PCNX2: variants seen among roughly 807,000 people sequenced by gnomAD.
PCNX2 encodes pecanex 2, also known as pecanex-like protein 2.
Under a neutral mutation model 223.8 loss-of-function variants are expected in PCNX2, and 168 were observed. That is an observed-to-expected ratio of 0.75 (90% confidence interval 0.66 to 0.85). The LOEUF (loss-of-function observed/expected upper bound fraction) is 0.85. Among genes scored for constraint, PCNX2 ranks in the 40% least tolerant of loss-of-function variants. The probability of loss-of-function intolerance (pLI) is 0.00; values close to 1 mark genes in which losing one functional copy is unlikely to be tolerated. For missense variants in PCNX2, 2,507 were observed against 2,675.5 expected, an observed-to-expected ratio of 0.94 and a Z score of 1.39; for synonymous variants, 1,006 against 1,052.6, an observed-to-expected ratio of 0.96 and a Z score of 0.86.
rs796993174 is a variant in PCNX2 at position 232,991,398 on chromosome 1, G to A, written c.5792-4858C>T. 6.6e-5 allele frequency among the ~76,000 whole-genome samples: 10 copies of A among 152,180 alleles called. No homozygotes were observed. Among genetic ancestry groups the A allele is most frequent in the African/African-American group, 1.7e-4 (7 of 41,506 alleles). On this transcript the variant is annotated intron_variant, in intron 32 of 33. Coordinates refer to ENST00000258229, the MANE Select transcript of PCNX2 (RefSeq NM_014801.4). The surrounding 1 kb of genome is among the most constrained non-coding windows in gnomAD (Gnocchi z 4.3). ...AGGGCTGAGAGAAGGGAGAGAAGGC[G>A]TGAGAGAGAGAGCAGACCAGATGGG...
In PCNX2 at chr1:233,014,656, C is replaced by G. The variant is rs571113775; in HGVS notation, c.4952+9G>C. ...TACCTAAGAGATTCTAACTTCTCCC[C>G]CCAGGTACCTGATGGCCATATTGTG... On this transcript the variant is annotated intron_variant, in intron 28 of 33. Coordinates refer to ENST00000258229, the MANE Select transcript of PCNX2 (RefSeq NM_014801.4). 6.2e-7 allele frequency: 1 copy of G among 1,611,430 alleles called. No individual in the cohort carries two copies. Among genetic ancestry groups the G allele is most frequent in the African/African-American group, 1.3e-5 (1 of 74,862 alleles).
At chr1:233,100,417 CAAAAAAAAAAAAAA>C (rs5781726) in intron 21 of PCNX2, among the ~76,000 whole-genome samples, 7 of 81,074 alleles carry the variant, frequency 8.6e-5, no homozygotes, top group Non-Finnish European at 1.4e-4. Flanking sequence ...GATTCTGTCT[CAAAAAAAAAAAAAA>C]AAAAAAAAGA....
At chr1:233,306,322 TA>T in the PCNX2 span, among the ~76,000 whole-genome samples, 2 of 152,220 alleles carry the variant, frequency 1.3e-5, no homozygotes, top group African/African-American at 4.8e-5. Context: ...TTAGAGACTT[TA>T]ATATCCTGAC....
intron 1 of PCNX2, among the ~76,000 whole-genome samples, chr1:233,288,253 A>G (rs1193115014): frequency 6.6e-6 from 1 of 152,228 alleles, no homozygotes; most frequent in Non-Finnish European, 1.5e-5. Flanking sequence ...AGATTGTTCA[A>G]TTAAAACAAA....
chr1:233,011,194 T>C (rs1298045584), intron 28 of PCNX2, among the ~76,000 whole-genome samples: 2 of 152,144 alleles, frequency 1.3e-5, no homozygotes, highest in Non-Finnish European at 2.9e-5. Flanking sequence ...ATAAAAACAA[T>C]AATATATCAT....
In PCNX2 at chr1:233,284,523, A is replaced by G. The variant is rs577528316; in HGVS notation, c.153+10803T>C. ...TACTAATGCCAAGATTCCATCTCCC[A>G]TCTTTACTGTACAGCACCTGCACTT... is the stretch of plus-strand genomic sequence containing the variant. On this transcript the variant is annotated intron_variant, in intron 1 of 33. Transcript: ENST00000258229. Among the ~76,000 whole-genome samples, 3 of 152,164 alleles carry G rather than the reference A, an allele frequency of 2.0e-5. No individual in the cohort carries two copies. In the Middle Eastern group the frequency reaches 0.01, roughly 518 times the overall value.
At chr1:233,017,469 C>T (rs374302171) in intron 26 of PCNX2, among the ~76,000 whole-genome samples, 22 of 152,088 alleles carry the variant, frequency 1.4e-4, no homozygotes, top group Admixed American at 3.3e-4. Flanking sequence ...AGGCGCCCGC[C>T]ACCACGCCCA....
At chr1:233,268,262 C>T (rs1660451653) in intron 1 of PCNX2, among the ~76,000 whole-genome samples, 1 of 152,174 alleles carries the variant, frequency 6.6e-6, no homozygotes, top group Admixed American at 6.5e-5. Context: ...AGCAGCTGTG[C>T]TGTGTTACAT....
At chr1:233,260,730 A>G (rs1659999117) in intron 4 of PCNX2, among the ~76,000 whole-genome samples, 1 of 152,144 alleles carries the variant, frequency 6.6e-6, no homozygotes, top group East Asian at 1.9e-4. Context: ...AAAAGAAAAT[A>G]GAATTGCAGA....
chr1:233,286,953 C>T (rs764709897), intron 1 of PCNX2, among the ~76,000 whole-genome samples: 8 of 152,198 alleles, frequency 5.3e-5, no homozygotes, highest in South Asian at 2.1e-4. Context: ...GCACATTCTG[C>T]GATCTAAATC....
rs1413037748 is a variant in PCNX2 at position 233,001,589 on chromosome 1, A to G, written c.5045T>C (p.Leu1682Pro). ...RDEWVFADMDLLHKVVAPAIR... is the reference protein window; with the variant it reads ...RDEWVFADMDPLHKVVAPAIR... Reference sequence around the variant, plus strand: ...AGCTGGAGCTACAACTTTATGCAGTAGGTCCATGTCAGCAAATACCCACTC... The same window carrying G: ...AGCTGGAGCTACAACTTTATGCAGTGGGTCCATGTCAGCAAATACCCACTC... Residue 1682 changes from leucine to proline, a missense_variant, in exon 29 of 34, where the codon CTA (leucine) becomes CCA (proline). Around this residue, in one of 3 missense-constraint regions of PCNX2, gnomAD observed 1,372 missense variants for 1,509.4 expected, o/e 0.91. Transcript: ENST00000258229. This position sits in a 1 kb window ranked among gnomAD's most constrained non-coding sequence, Gnocchi z 4.2. 2 of 1,556,746 alleles carry G rather than the reference A, an allele frequency of 1.3e-6. No individual in the cohort carries two copies. The highest frequency in any genetic ancestry group is 3.7e-5 in the Admixed American group (2 of 53,782).
intron 17 of PCNX2, among the ~76,000 whole-genome samples, chr1:233,174,035 T>C (rs1679319682): frequency 7.4e-6 from 1 of 134,934 alleles, no homozygotes; most frequent in African/African-American, 2.6e-5. Context: ...TCATTTTATA[T>C]ATACATAAAA....
Position 233,139,635 on chromosome 1 carries a change from G to A in PCNX2, c.3659+79C>T. 1.4e-6 allele frequency: 2 copies of A among 1,478,948 alleles called. No homozygotes were observed. The highest frequency in any genetic ancestry group is 1.3e-5 in the South Asian group (1 of 76,702). 91.6% of individuals were successfully genotyped at this position (1,478,948 alleles called of 1,614,324 possible). The stretch of plus-strand genomic sequence containing the variant: ...CAGTCGGTAAAGGTTGGCTTCTTCT[G>A]CAGATTGTTTACAGAAAATTCACTC... On this transcript the variant is annotated intron_variant, in intron 20 of 33. Transcript: ENST00000258229. This position sits in a 1 kb window ranked among gnomAD's most constrained non-coding sequence, Gnocchi z 4.4.
chr1:233,116,888 A>G (rs1202553743), intron 21 of PCNX2, among the ~76,000 whole-genome samples: 1 of 152,146 alleles, frequency 6.6e-6, no homozygotes, highest in Non-Finnish European at 1.5e-5. Context: ...AAAATTAAGA[A>G]ATCTCTAGAA....
chr1:233,054,575 T>C lies in PCNX2; in HGVS notation c.4136-92A>G, dbSNP rs1392098256. 9.9e-6 allele frequency: 10 copies of C among 1,010,320 alleles called. No individual in the cohort carries two copies. The African/African-American group carries it at 1.3e-4, about 13-fold the overall frequency. 62.6% of individuals were successfully genotyped at this position (1,010,320 alleles called of 1,614,324 possible). A position where few individuals can be genotyped will look rare whatever the true frequency, so the allele number is the denominator to read the frequency against. ...CAGTGAGTTGTCATCTGATTAAGGG[T>C]AAAATCAGACTCTTTATATACATAA... On this transcript the variant is annotated intron_variant, in intron 24 of 33. Transcript: ENST00000258229.
intron 7 of PCNX2, among the ~76,000 whole-genome samples, chr1:233,251,649 A>G (rs1659458803): frequency 6.6e-6 from 1 of 152,244 alleles, no homozygotes; most frequent in Non-Finnish European, 1.5e-5. Context: ...ATATTTCTGC[A>G]CATGCAAAAG....
intron 15 of PCNX2, among the ~76,000 whole-genome samples, chr1:233,182,842 C>A (rs1394653577): frequency 6.6e-6 from 1 of 152,154 alleles, no homozygotes; most frequent in Non-Finnish European, 1.5e-5. Flanking sequence ...CCAGGCAGAA[C>A]AGAATCCTCC....
the PCNX2 span, among the ~76,000 whole-genome samples, chr1:233,325,513 A>AC: frequency 1.3e-5 from 2 of 151,044 alleles, no homozygotes; most frequent in Non-Finnish European, 3.0e-5. Context: ...AAAAAAAAAA[A>AC]AAACCAAAAA....
At chr1:233,005,467 C>T (rs1426898452) in intron 28 of PCNX2, among the ~76,000 whole-genome samples, 2 of 152,206 alleles carry the variant, frequency 1.3e-5, no homozygotes, top group Admixed American at 6.5e-5. Flanking sequence ...AGGCCACCAA[C>T]AATGGATATT....
Sources: gnomAD v4.1 joint callset for allele counts (sites outside exome capture counted in the v4.1 genomes callset) on GRCh38, gnomAD v4.1.1 for gene constraint, gnomAD v4.1.1 regional missense constraint, Gnocchi (gnomAD v3.1) non-coding constraint, MANE v1.5 for transcripts, NCBI Gene and HGNC (gene_info 2026-07-23, HGNC 2026-07-21) for gene names.